The following PRKCA variants were observed in gnomAD, a reference collection of about 807,000 sequenced individuals.
PRKCA encodes protein kinase C alpha type.
In PRKCA, 27 loss-of-function variants were observed where a neutral mutation model predicts 87.0. The ratio of observed to expected loss-of-function variants is 0.31; its 90% CI spans 0.23 to 0.43. PRKCA has a LOEUF of 0.43. PRKCA is among the 20% of genes least tolerant of loss of function. The pLI, the probability that PRKCA is intolerant of heterozygous loss-of-function variation, is 1.00. For missense variants in PRKCA, 518 were observed against 852.3 expected (o/e 0.61, Z 4.88); for synonymous variants, 329 against 311.1 (o/e 1.06, Z -0.61).
intron 2 of PRKCA, among the ~76,000 whole-genome samples, chr17:66,361,182 G>C (rs1374204724): frequency 6.6e-6 from 1 of 152,018 alleles, no homozygotes; most frequent in African/African-American, 2.4e-5. Context: ...GGGTATGTGA[G>C]TAACTGATAT....
chr17:66,692,108 C>T (rs889169748), intron 8 of PRKCA, among the ~76,000 whole-genome samples: 3 of 152,192 alleles, frequency 2.0e-5, no homozygotes, highest in African/African-American at 7.2e-5. Flanking sequence ...GGAGCGCCAG[C>T]CCAAGGCTGT....
intron 5 of PRKCA, among the ~76,000 whole-genome samples, chr17:66,682,121 A>G (rs1026977198): frequency 6.6e-6 from 1 of 151,956 alleles, no homozygotes; most frequent in African/African-American, 2.4e-5. Flanking sequence ...TACAACTCTA[A>G]AACTCTCATG....
At chr17:66,795,647 A>G (rs924800277) in intron 16 of PRKCA, among the ~76,000 whole-genome samples, 10 of 152,272 alleles carry the variant, frequency 6.6e-5, no homozygotes, top group African/African-American at 1.9e-4. Context: ...GGGAGCTTCA[A>G]TGATGAGTGA....
At position 66,689,465 on chromosome 17, in the gene PRKCA, T is replaced by C. The variant is rs1204914130; in HGVS notation, c.918+418T>C. On this transcript the variant is annotated intron_variant, in intron 8 of 16. Coordinates refer to ENST00000413366, the MANE Select transcript of PRKCA (RefSeq NM_002737.3). This position sits in a 1 kb window ranked among gnomAD's most constrained non-coding sequence, Gnocchi z 4.1. ...AGGCTATCATCTGAGACTTTTTTTT[T>C]CTACAGAAAGTACAAGGTTCCTAAT... Among the ~76,000 whole-genome samples the C allele has an allele frequency of 6.6e-6, 1 of 152,210 alleles. No individual in the cohort carries two copies. The highest frequency in any genetic ancestry group is 1.5e-5 in the Non-Finnish European group (1 of 68,040).
chr17:66,561,351 G>A (rs77256002), intron 3 of PRKCA, among the ~76,000 whole-genome samples: 3,901 of 152,226 alleles, frequency 0.026, 132 homozygotes, highest in East Asian at 0.15. Flanking sequence ...AGTGCAGCTC[G>A]ATGCTACTCT....
At chr17:66,731,093 G>A (rs571300185) in intron 8 of PRKCA, among the ~76,000 whole-genome samples, 42 of 152,292 alleles carry the variant, frequency 2.8e-4, no homozygotes, top group African/African-American at 1.0e-3. Flanking sequence ...GCTCATGCCT[G>A]TAATCCCAGC....
intron 8 of PRKCA, among the ~76,000 whole-genome samples, chr17:66,710,479 T>C (rs902385778): frequency 1.3e-5 from 2 of 152,180 alleles, no homozygotes; most frequent in African/African-American, 4.8e-5. Flanking sequence ...TAGTTCTTCC[T>C]CTGCTCTTTC....
intron 2 of PRKCA, among the ~76,000 whole-genome samples, chr17:66,461,885 G>A (rs1356636752): frequency 2.2e-5 from 3 of 136,774 alleles, no homozygotes; most frequent in Non-Finnish European, 4.8e-5. Flanking sequence ...AGGAGACTGG[G>A]GTTCCTAACT....
At chr17:66,547,999 T>C (rs192280225) in intron 3 of PRKCA, among the ~76,000 whole-genome samples, 1 of 152,306 alleles carries the variant, frequency 6.6e-6, no homozygotes, top group East Asian at 1.9e-4. Flanking sequence ...TTCTTAGGCC[T>C]GTACACAGAT....
At chr17:66,607,852 G>A (rs1255325651) in intron 3 of PRKCA, among the ~76,000 whole-genome samples, 1 of 152,170 alleles carries the variant, frequency 6.6e-6, no homozygotes, top group African/African-American at 2.4e-5. Context: ...TCATTTTGAT[G>A]GCACATACCC....
At chr17:66,686,996 G>A (rs1972645910) in intron 5 of PRKCA, 115 bp from the exon 6 acceptor site, 2 of 944,868 alleles carry the variant, frequency 2.1e-6, no homozygotes, top group Non-Finnish European at 1.6e-6. Context: ...TCCACCATCT[G>A]TCTCCTTAAA....
intron 13 of PRKCA, among the ~76,000 whole-genome samples, chr17:66,755,157 A>G (rs932547614): frequency 3.3e-5 from 5 of 152,174 alleles, no homozygotes; most frequent in African/African-American, 1.2e-4. Context: ...CATTCCATGA[A>G]GACTTGAAAC....
intron 3 of PRKCA, among the ~76,000 whole-genome samples, chr17:66,500,990 A>G (rs1001837651): frequency 4.6e-5 from 7 of 152,194 alleles, no homozygotes; most frequent in African/African-American, 1.7e-4. Context: ...GAGAATGGTT[A>G]AGATGTCCTG....
intron 2 of PRKCA, among the ~76,000 whole-genome samples, chr17:66,365,888 G>A (rs1908688329): frequency 6.6e-6 from 1 of 152,170 alleles, no homozygotes; most frequent in African/African-American, 2.4e-5. Flanking sequence ...AGCATTGACA[G>A]CAAGGCAGCA....
At chr17:66,657,828 G>GGCCGGGCGCGGTGGCTCACGCTTGTAATC (rs1383179260) in intron 5 of PRKCA, among the ~76,000 whole-genome samples, 1 of 151,900 alleles carries the variant, frequency 6.6e-6, no homozygotes, top group African/African-American at 2.4e-5. Flanking sequence ...AAAACTTCTG[G>GGCCGGGCGCGGTGGCTCACGCTTGTAATC]CTTCTGAAGG....
intron 8 of PRKCA, among the ~76,000 whole-genome samples, chr17:66,704,808 A>G (rs779088759): frequency 8.5e-5 from 13 of 152,272 alleles, no homozygotes; most frequent in Non-Finnish European, 1.6e-4. Context: ...TACTTAAATC[A>G]ACAAAGATGA....
chr17:66,656,420 A>G (rs957310316), intron 5 of PRKCA, among the ~76,000 whole-genome samples: 9 of 152,358 alleles, frequency 5.9e-5, no homozygotes, highest in African/African-American at 2.2e-4. Context: ...ATACAGAGAC[A>G]TTGATATTGA....
chr17:66,506,275 G>T (rs972924610), intron 3 of PRKCA, among the ~76,000 whole-genome samples: 4 of 150,832 alleles, frequency 2.7e-5, no homozygotes, highest in Admixed American at 2.0e-4. Context: ...CAGTCTGGGC[G>T]ACACGGTGAG....
intron 2 of PRKCA, among the ~76,000 whole-genome samples, chr17:66,419,528 T>C (rs1019027740): frequency 2.0e-5 from 3 of 152,218 alleles, no homozygotes; most frequent in Non-Finnish European, 2.9e-5. Context: ...ACTCATTTTA[T>C]AATTAATTTT....
Sources: gnomAD v4.1 joint callset for allele counts (sites outside exome capture counted in the v4.1 genomes callset) on GRCh38, gnomAD v4.1.1 for gene constraint, Gnocchi (gnomAD v3.1) non-coding constraint, MANE v1.5 for transcripts, NCBI Gene and HGNC (gene_info 2026-07-23, HGNC 2026-07-21) for gene names.